The following HUNK variants were observed in gnomAD, a reference collection of about 807,000 sequenced individuals.
HUNK encodes hormonally up-regulated Neu-associated kinase.
Under a neutral mutation model 61.0 loss-of-function variants are expected in HUNK, and 21 were observed. The ratio of observed to expected loss-of-function variants is 0.34; its 90% CI spans 0.24 to 0.50. The LOEUF (loss-of-function observed/expected upper bound fraction) is 0.50. HUNK is among the 20% of genes least tolerant of loss of function. The probability of loss-of-function intolerance (pLI) is 0.98; values close to 1 mark genes in which losing one functional copy is unlikely to be tolerated. For missense variants in HUNK, 772 were observed against 945.7 expected, an observed-to-expected ratio of 0.82 and a Z score of 2.41; for synonymous variants, 371 against 386.1, an observed-to-expected ratio of 0.96 and a Z score of 0.46.
intron 7 of HUNK, among the ~76,000 whole-genome samples, chr21:31,976,943 G>A (rs2053054539): frequency 6.6e-6 from 1 of 151,736 alleles, no homozygotes; most frequent in South Asian, 2.1e-4. Context: ...ACTAATTTTT[G>A]TATTTTTGGT....
rs186900426 is a variant in HUNK at position 31,941,681 on chromosome 21, C to T, written c.610+1461C>T. ...GGGGCCAAGTGCAGAAGCTGGAAAA[C>T]AAGGCACTCGTGTTGAAATGCTTGC... On this transcript the variant is annotated intron_variant, in intron 3 of 10. Coordinates refer to ENST00000270112, the MANE Select transcript of HUNK (RefSeq NM_014586.2). Among the ~76,000 whole-genome samples the T allele has an allele frequency of 9.5e-4, 145 of 152,262 alleles. 1 individual carries two copies. Among genetic ancestry groups the T allele is most frequent in the Non-Finnish European group, 8.4e-4 (57 of 68,020 alleles).
At chr21:31,944,116 G>C (rs1218700337) in intron 3 of HUNK, among the ~76,000 whole-genome samples, 1 of 152,174 alleles carries the variant, frequency 6.6e-6, no homozygotes, top group African/African-American at 2.4e-5. Flanking sequence ...GTCTCGTTCT[G>C]TCTCCCAGGC....
intron 4 of HUNK, among the ~76,000 whole-genome samples, chr21:31,957,503 T>C (rs907848800): frequency 6.6e-6 from 1 of 152,208 alleles, no homozygotes; most frequent in African/African-American, 2.4e-5. Flanking sequence ...GAATTGGGCC[T>C]CGAGGGTCTT....
intron 2 of HUNK, among the ~76,000 whole-genome samples, chr21:31,929,580 C>T (rs148345981): frequency 6.6e-6 from 1 of 152,174 alleles, no homozygotes; most frequent in Admixed American, 6.5e-5. Flanking sequence ...ATTTGAGATT[C>T]ATGTGTTCAT....
chr21:31,893,507 T>C (rs2052405384), intron 1 of HUNK, among the ~76,000 whole-genome samples: 1 of 152,080 alleles, frequency 6.6e-6, no homozygotes, highest in African/African-American at 2.4e-5. Context: ...TGTTTCGGGG[T>C]GGTTGGTGTG....
intron 8 of HUNK, among the ~76,000 whole-genome samples, chr21:31,985,539 C>G (rs2053126893): frequency 6.6e-6 from 1 of 152,164 alleles, no homozygotes; most frequent in African/African-American, 2.4e-5. Flanking sequence ...TGGCACAGGT[C>G]TCCATTTCAG....
intron 1 of HUNK, among the ~76,000 whole-genome samples, chr21:31,881,661 G>T (rs1306281836): frequency 6.6e-6 from 1 of 152,010 alleles, no homozygotes; most frequent in Non-Finnish European, 1.5e-5. Context: ...CAACAACAAA[G>T]AAATATACAA....
intron 3 of HUNK, among the ~76,000 whole-genome samples, chr21:31,942,123 T>C (rs2052772905): frequency 6.6e-6 from 1 of 152,220 alleles, no homozygotes; most frequent in South Asian, 2.1e-4. Context: ...GGCAGGAGAA[T>C]CGCTTGAACC....
chr21:31,992,189 T>G (rs1215195254), intron 9 of HUNK, among the ~76,000 whole-genome samples: 1 of 152,188 alleles, frequency 6.6e-6, no homozygotes, highest in Admixed American at 6.5e-5. Context: ...GGGGTCATTC[T>G]TCATTGGCCA....
At chr21:31,934,940 T>C (rs137913863) in intron 2 of HUNK, among the ~76,000 whole-genome samples, 17 of 152,336 alleles carry the variant, frequency 1.1e-4, no homozygotes, top group Non-Finnish European at 2.2e-4. Flanking sequence ...TACGTGTCTT[T>C]GCGGTTGTGA....
In HUNK at chr21:31,874,980, C is replaced by T. The variant is rs543376036; in HGVS notation, c.261+1045C>T. Among the ~76,000 whole-genome samples, 23 of 152,302 alleles carry T rather than the reference C, an allele frequency of 1.5e-4. No homozygotes were observed. The South Asian group carries it at 3.9e-3, about 26-fold the overall frequency. ...GAGCTGCCCGAGCTCAGAGCCAATCCAGGCTGGAGCTGTCCCAAGCTCCTG... is the reference window on the plus strand; with the variant it reads ...GAGCTGCCCGAGCTCAGAGCCAATCTAGGCTGGAGCTGTCCCAAGCTCCTG... On this transcript the variant is annotated intron_variant, in intron 1 of 10. Transcript: ENST00000270112.
chr21:31,932,793 C>T (rs1217471041), intron 2 of HUNK, among the ~76,000 whole-genome samples: 2 of 152,054 alleles, frequency 1.3e-5, no homozygotes, highest in African/African-American at 4.8e-5. Context: ...TCCTGCTTCA[C>T]CGTGGCTTCT....
chr21:31,955,224 GCTTC>G (rs2123838405), intron 4 of HUNK, among the ~76,000 whole-genome samples: 1 of 151,678 alleles, frequency 6.6e-6, no homozygotes, highest in African/African-American at 2.4e-5. Context: ...GTCCACCTCT[GCTTC>G]CTTCTCATTA....
rs574473222 is a variant in HUNK at position 31,999,495 on chromosome 21, C to T, written c.*311C>T. The T allele has an allele frequency of 2.9e-6, 1 of 348,836 alleles. No individual in the cohort carries two copies. Among genetic ancestry groups the T allele is most frequent in the African/African-American group, 2.1e-5 (1 of 48,690 alleles). The allele number at this position is 348,836 out of a possible 1,614,324, so 21.6% of individuals were successfully genotyped here. On this transcript the variant is annotated 3_prime_UTR_variant, in exon 11 of 11. Transcript: ENST00000270112. ...CTTGGGGGGAAAACAGGGCATGAGC[C>T]TTCTGGGGCACTCAGATTATGGACT...
At chr21:31,906,239 C>T (rs537560820) in intron 1 of HUNK, among the ~76,000 whole-genome samples, 8 of 151,878 alleles carry the variant, frequency 5.3e-5, no homozygotes, top group South Asian at 2.1e-4. Context: ...GATGAATAGT[C>T]GGAGGCATAC....
intron 1 of HUNK, among the ~76,000 whole-genome samples, chr21:31,908,613 C>A (rs1277209818): frequency 6.6e-6 from 1 of 152,140 alleles, no homozygotes; most frequent in Non-Finnish European, 1.5e-5. Context: ...GGCTGCCCAC[C>A]ACGTCGGGGT....
intron 5 of HUNK, among the ~76,000 whole-genome samples, chr21:31,962,606 C>G (rs1348358410): frequency 6.6e-6 from 1 of 152,220 alleles, no homozygotes; most frequent in East Asian, 1.9e-4. Context: ...GCCTTAAGCT[C>G]TGTGTGTGCT....
intron 2 of HUNK, among the ~76,000 whole-genome samples, chr21:31,930,552 C>T (rs2052689580): frequency 1.3e-5 from 2 of 152,240 alleles, no homozygotes; most frequent in South Asian, 2.1e-4. Flanking sequence ...CATAGACTCT[C>T]AGCACCCTCT....
intron 9 of HUNK, among the ~76,000 whole-genome samples, chr21:31,990,657 TC>T (rs2053166517): frequency 6.6e-6 from 1 of 151,970 alleles, no homozygotes; most frequent in African/African-American, 2.4e-5. Flanking sequence ...GGCCTCAGCC[TC>T]CCGAGTAGCT....
Sources: gnomAD v4.1 joint callset for allele counts (sites outside exome capture counted in the v4.1 genomes callset) on GRCh38, gnomAD v4.1.1 for gene constraint, MANE v1.5 for transcripts, NCBI Gene and HGNC (gene_info 2026-07-23, HGNC 2026-07-21) for gene names.